ZNF827: variants seen among roughly 807,000 people sequenced by gnomAD.
ZNF827 encodes the protein zinc finger protein 827.
ZNF827 carries 13 observed loss-of-function variants against 102.4 expected under a neutral mutation model. The observed-to-expected ratio is 0.13, with a 90% CI of 0.08 to 0.20. The LOEUF is 0.20. Ranked by LOEUF, ZNF827 falls within the 10% of genes least tolerant of loss-of-function variation. The probability of loss-of-function intolerance (pLI) is 1.00; values close to 1 mark genes in which losing one functional copy is unlikely to be tolerated. For missense variants in ZNF827, 1,103 were observed against 1,344.4 expected, an observed-to-expected ratio of 0.82 and a Z score of 2.81; for synonymous variants, 523 against 536.2, an observed-to-expected ratio of 0.98 and a Z score of 0.34.
intron 1 of ZNF827, 37 bp downstream of exon 1, chr4:145,938,328 A>G (rs1416246099): frequency 6.2e-7 from 1 of 1,613,630 alleles, no homozygotes; most frequent in South Asian, 1.1e-5. Flanking sequence ...GAGGGCGAGA[A>G]AATGGCACGA....
chr4:145,849,571 G>T lies in ZNF827; in HGVS notation c.1982-10C>A. 1 of 1,612,632 alleles carries T rather than the reference G, an allele frequency of 6.2e-7. No homozygotes were observed. Among genetic ancestry groups the T allele is most frequent in the Non-Finnish European group, 8.5e-7 (1 of 1,178,926 alleles). ...TCCTTGTAGCTTTCCGCTGCAAGTA[G>T]GTGAATGAAGAGAAACAAAAACACC... On this transcript the variant is annotated splice_polypyrimidine_tract_variant and intron_variant, in intron 5 of 14. Coordinates refer to ENST00000508784, the MANE Select transcript of ZNF827 (RefSeq NM_001306215.2).
intron 5 of ZNF827, among the ~76,000 whole-genome samples, chr4:145,865,982 G>A (rs1561016386): frequency 2.0e-5 from 3 of 152,162 alleles, no homozygotes; most frequent in Non-Finnish European, 4.4e-5. Context: ...GAAGCTGCTG[G>A]CAATTCCCCC....
intron 7 of ZNF827, among the ~76,000 whole-genome samples, chr4:145,837,947 A>G (rs1019350853): frequency 2.6e-5 from 4 of 152,108 alleles, no homozygotes; most frequent in East Asian, 1.9e-4. Context: ...AGCAGCCCTG[A>G]GAAACATCGC....
intron 4 of ZNF827, chr4:145,870,894 T>C (rs1748625351): frequency 6.1e-6 from 1 of 165,144 alleles, no homozygotes; most frequent in Non-Finnish European, 1.3e-5. Context: ...TCAGAGGCAG[T>C]ACCCAAAGCA....
At chr4:145,778,134 A>T (rs1361882679) in intron 9 of ZNF827, among the ~76,000 whole-genome samples, 1 of 152,004 alleles carries the variant, frequency 6.6e-6, no homozygotes, top group Non-Finnish European at 1.5e-5. Flanking sequence ...TCTACAAAAA[A>T]CTTTTTGTTT....
intron 5 of ZNF827, among the ~76,000 whole-genome samples, chr4:145,862,074 G>A (rs1366473467): frequency 6.6e-6 from 1 of 152,236 alleles, no homozygotes; most frequent in East Asian, 1.9e-4. Flanking sequence ...TGGGGCGGGG[G>A]AAAGCAGCAG....
At chr4:145,813,430 G>A (rs1742246767) in intron 8 of ZNF827, among the ~76,000 whole-genome samples, 1 of 151,972 alleles carries the variant, frequency 6.6e-6, no homozygotes, top group Non-Finnish European at 1.5e-5. Flanking sequence ...TTTATCATAG[G>A]TATGTGTGTA....
At chr4:145,919,149 G>A (rs571266383) in intron 1 of ZNF827, among the ~76,000 whole-genome samples, 4 of 152,248 alleles carry the variant, frequency 2.6e-5, no homozygotes, top group South Asian at 4.2e-4. Flanking sequence ...AGCTACTTGG[G>A]AGGCTAAGGT....
intron 8 of ZNF827, among the ~76,000 whole-genome samples, chr4:145,814,599 C>T (rs1742378030): frequency 1.7e-5 from 2 of 115,994 alleles, no homozygotes; most frequent in African/African-American, 7.6e-5. Flanking sequence ...TTCCTGGTCT[C>T]ACCTCCTAAC....
At chr4:145,784,249 C>T (rs1738520731) in intron 8 of ZNF827, among the ~76,000 whole-genome samples, 1 of 152,190 alleles carries the variant, frequency 6.6e-6, no homozygotes, top group Admixed American at 6.5e-5. Flanking sequence ...TAATACAGTC[C>T]TCTGTGGCAT....
chr4:145,834,837 C>T (rs1744640363), intron 7 of ZNF827: 3 of 151,378 alleles, frequency 2.0e-5, no homozygotes. Flanking sequence ...GCCCTGAAAC[C>T]CCACAACAGG....
In ZNF827 at chr4:145,885,872, G is replaced by C. The variant is rs147914934; in HGVS notation, c.1553C>G (p.Ser518Trp). The C allele has an allele frequency of 2.5e-6, 4 of 1,614,222 alleles. No homozygotes were observed. Among genetic ancestry groups the C allele is most frequent in the Non-Finnish European group, 2.5e-6 (3 of 1,180,038 alleles). ...GGGTTCCTCCTTCACCAGCAAAGGC[G>C]AGACGCCAGCCCCTCCCTGGCTAGT... ...ERTSQGGAGV[S>W]PLLVKEEPKE... Residue 518 changes from serine (S) to tryptophan (W), a missense_variant, in exon 4 of 15, where the codon TCG becomes TGG. Physicochemically the swap from Ser to Trp is radical, Grantham distance 177. This residue lies in a region of ZNF827 where 157 missense variants were observed against 211.7 expected (regional missense o/e 0.74). Transcript: ENST00000508784.
At chr4:145,847,833 G>A (rs540166019) in intron 6 of ZNF827, among the ~76,000 whole-genome samples, 309 of 152,258 alleles carry the variant, frequency 2.0e-3, no homozygotes, top group Non-Finnish European at 3.7e-3. Context: ...TGCAACACCC[G>A]TCTCACACTT....
rs1323433237 is a variant in ZNF827, at chr4:145,902,016, C to T, written c.1093+150G>A. ...AATACGTACATGAAAGACTACTATG[C>T]TGCTTACTTAAAGTATTTTTGTTGT... On this transcript the variant is annotated intron_variant, in intron 2 of 14. Transcript: ENST00000508784. The surrounding 1 kb of genome is among the most constrained non-coding windows in gnomAD (Gnocchi z 4.3). 2.5e-5 allele frequency: 24 copies of T among 955,588 alleles called. No homozygotes were observed. Among genetic ancestry groups the T allele is most frequent in the Non-Finnish European group, 3.4e-5 (23 of 669,168 alleles). 59.2% of individuals were successfully genotyped at this position (955,588 alleles called of 1,614,324 possible).
chr4:145,807,845 A>T (rs1228051860), intron 8 of ZNF827, among the ~76,000 whole-genome samples: 1 of 152,102 alleles, frequency 6.6e-6, no homozygotes, highest in Non-Finnish European at 1.5e-5. Flanking sequence ...TATGAAAGGC[A>T]TGGCAAGTCT....
In ZNF827 at chr4:145,759,667, A is replaced by G. The variant is rs1484767669; in HGVS notation, c.*1949T>C. ...TCTACTCATTCCATAAAAAAGGTAC[A>G]TTTTCTTCCTTTTATTTTACTTTTT... On this transcript the variant is annotated 3_prime_UTR_variant, in exon 15 of 15. Coordinates refer to ENST00000508784, the MANE Select transcript of ZNF827 (RefSeq NM_001306215.2). The G allele has an allele frequency of 2.7e-5, 4 of 150,818 alleles. No individual in the cohort carries two copies. Among genetic ancestry groups the G allele is most frequent in the Admixed American group, 6.6e-5 (1 of 15,138 alleles). 9.3% of individuals were successfully genotyped at this position (150,818 alleles called of 1,614,324 possible).
At chr4:145,890,819 C>A (rs1038882624) in intron 3 of ZNF827, among the ~76,000 whole-genome samples, 2 of 152,226 alleles carry the variant, frequency 1.3e-5, no homozygotes, top group African/African-American at 4.8e-5. Flanking sequence ...CCAACCAGAA[C>A]TCCTGGTTAA....
At chr4:145,904,368 A>G (rs1161239748) in intron 1 of ZNF827, among the ~76,000 whole-genome samples, 2 of 152,258 alleles carry the variant, frequency 1.3e-5, no homozygotes, top group African/African-American at 4.8e-5. Context: ...GGTAAATAAC[A>G]TAGCATGCCA....
chr4:145,798,833 T>C (rs1472144592), intron 8 of ZNF827, among the ~76,000 whole-genome samples: 1 of 152,232 alleles, frequency 6.6e-6, no homozygotes. Flanking sequence ...TACTGCCATT[T>C]GTAAATCTGA....
Sources: gnomAD v4.1 joint callset for allele counts (sites outside exome capture counted in the v4.1 genomes callset) on GRCh38, gnomAD v4.1.1 for gene constraint, gnomAD v4.1.1 regional missense constraint, Gnocchi (gnomAD v3.1) non-coding constraint, MANE v1.5 for transcripts, NCBI Gene and HGNC (gene_info 2026-07-23, HGNC 2026-07-21) for gene names.